ZMIZ1: variants seen among roughly 807,000 people sequenced by gnomAD.
The protein encoded by ZMIZ1 is zinc finger MIZ-type containing 1.
Under a neutral mutation model 113.9 loss-of-function variants are expected in ZMIZ1, and 17 were observed. The ratio of observed to expected loss-of-function variants is 0.15; its 90% CI spans 0.10 to 0.22. The LOEUF is 0.22. Among genes scored for constraint, ZMIZ1 ranks in the 10% least tolerant of loss-of-function variants. The probability of loss-of-function intolerance (pLI) is 1.00; values close to 1 mark genes in which losing one functional copy is unlikely to be tolerated. For synonymous variants in ZMIZ1, 607 were observed against 603.1 expected (o/e 1.01, Z -0.09); for missense variants, 1,059 against 1,477.8 (o/e 0.72, Z 4.65).
rs941490790 is a variant in ZMIZ1, at chr10:79,272,147, G to A, written c.281-5034G>A. ...TACACACACACAAAATTAGCCAGGCGTGATGGTGCACAACTGTAGTCCCAG... is the reference window on the plus strand; with the variant it reads ...TACACACACACAAAATTAGCCAGGCATGATGGTGCACAACTGTAGTCCCAG... On this transcript the variant is annotated intron_variant, in intron 7 of 24. Transcript: ENST00000334512. 9.2e-5 allele frequency among the ~76,000 whole-genome samples: 14 copies of A among 152,186 alleles called. No homozygotes were observed. The East Asian group carries it at 1.9e-3, about 21-fold the overall frequency.
At chr10:79,125,704 C>T (rs527626744) in intron 2 of ZMIZ1, among the ~76,000 whole-genome samples, 10 of 152,306 alleles carry the variant, frequency 6.6e-5, no homozygotes, top group South Asian at 2.1e-4. Context: ...GGGCCACAAG[C>T]GTGACATCTT....
intron 9 of ZMIZ1, among the ~76,000 whole-genome samples, chr10:79,290,513 G>A (rs1853413443): frequency 6.6e-6 from 1 of 152,198 alleles, no homozygotes; most frequent in Non-Finnish European, 1.5e-5. Flanking sequence ...AGCAGGGTGG[G>A]TTCCTCTTGG....
intron 9 of ZMIZ1, 123 bp from the exon 10 acceptor site, chr10:79,290,836 T>C (rs1853441244): frequency 3.6e-6 from 4 of 1,125,604 alleles, no homozygotes; most frequent in Non-Finnish European, 4.0e-6. Flanking sequence ...TCCATTTTTT[T>C]CCTCCTCCCT....
chr10:79,196,426 C>T (rs4979853), intron 4 of ZMIZ1, among the ~76,000 whole-genome samples: 10,631 of 152,204 alleles, frequency 0.07, 473 homozygotes, highest in Middle Eastern at 0.16. Context: ...CACTGATGGG[C>T]CCCAGGCTCC....
At chr10:79,190,617 G>GAGTAC in intron 4 of ZMIZ1, among the ~76,000 whole-genome samples, 1 of 152,052 alleles carries the variant, frequency 6.6e-6, no homozygotes, top group African/African-American at 2.4e-5. Flanking sequence ...CTAACTAAAG[G>GAGTAC]AGTACACTCA....
chr10:79,263,133 G>A (rs1051907076), intron 7 of ZMIZ1, among the ~76,000 whole-genome samples: 4 of 152,364 alleles, frequency 2.6e-5, no homozygotes, highest in East Asian at 1.9e-4. Flanking sequence ...ATGCGCCAGC[G>A]CAGTGGCGCA....
chr10:79,265,815 C>T (rs1851567498), intron 7 of ZMIZ1, among the ~76,000 whole-genome samples: 1 of 152,188 alleles, frequency 6.6e-6, no homozygotes, highest in African/African-American at 2.4e-5. Context: ...TCTCCTAGGA[C>T]CCTGTCACCC....
intron 7 of ZMIZ1, among the ~76,000 whole-genome samples, chr10:79,236,631 G>A (rs899110137): frequency 6.6e-6 from 1 of 152,186 alleles, no homozygotes; most frequent in African/African-American, 2.4e-5. Context: ...CTTCCTGTCT[G>A]AACAGGCTGC....
intron 1 of ZMIZ1, among the ~76,000 whole-genome samples, chr10:79,113,100 T>C (rs570081348): frequency 9.8e-5 from 15 of 152,308 alleles, no homozygotes; most frequent in African/African-American, 3.4e-4. Flanking sequence ...AGCCTCTTTG[T>C]TCCCCGCAGC....
chr10:79,263,472 T>A (rs1248388616), intron 7 of ZMIZ1, among the ~76,000 whole-genome samples: 2 of 152,170 alleles, frequency 1.3e-5, no homozygotes, highest in Non-Finnish European at 2.9e-5. Flanking sequence ...CTCCTGCCCC[T>A]TGTTACCACG....
chr10:79,178,025 C>A (rs1461288583), intron 4 of ZMIZ1, among the ~76,000 whole-genome samples: 4 of 152,072 alleles, frequency 2.6e-5, no homozygotes, highest in African/African-American at 9.7e-5. Flanking sequence ...TTAGGAGGGG[C>A]CAGGGCAGTA....
At chr10:79,293,339 T>C in intron 11 of ZMIZ1, 42 bp from the exon 12 acceptor site, 1 of 1,503,730 alleles carries the variant, frequency 6.7e-7, no homozygotes. Flanking sequence ...ATTTTATTCT[T>C]TTTTTTTTCT....
intron 7 of ZMIZ1, among the ~76,000 whole-genome samples, chr10:79,240,507 C>A (rs1287339892): frequency 1.3e-5 from 2 of 152,130 alleles, no homozygotes; most frequent in African/African-American, 2.4e-5. Context: ...ACCAAGTGGG[C>A]CAGAGAGAGC....
chr10:79,193,089 C>T (rs1847677118), intron 4 of ZMIZ1, among the ~76,000 whole-genome samples: 1 of 152,210 alleles, frequency 6.6e-6, no homozygotes, highest in African/African-American at 2.4e-5. Context: ...AATGCGCGAG[C>T]CACCTGCGAC....
chr10:79,104,924 CTGT>C (rs1442567076), intron 1 of ZMIZ1, among the ~76,000 whole-genome samples: 2 of 148,982 alleles, frequency 1.3e-5, no homozygotes, highest in Non-Finnish European at 3.0e-5. Flanking sequence ...GATGTGGTTG[CTGT>C]TGTTGTTGGG....
At chr10:79,194,969 C>T (rs1487584797) in intron 4 of ZMIZ1, among the ~76,000 whole-genome samples, 1 of 152,190 alleles carries the variant, frequency 6.6e-6, no homozygotes, top group African/African-American at 2.4e-5. Context: ...TCCATTTGCC[C>T]AACTAAGCCC....
At position 79,221,873 on chromosome 10, in the gene ZMIZ1, T is replaced by G. The variant is rs1444205283; in HGVS notation, c.280+5599T>G. ...GAGTCCAGAAGAGAGCCCGAATGCC[T>G]GCTGCCTTCTCGCGCCCTTCCTGTC... is the stretch of plus-strand genomic sequence containing the variant. On this transcript the variant is annotated intron_variant, in intron 7 of 24. Transcript: ENST00000334512. Among the ~76,000 whole-genome samples the G allele has an allele frequency of 2.6e-5, 4 of 152,380 alleles. No individual in the cohort carries two copies. In the East Asian group the frequency reaches 7.7e-4, roughly 29 times the overall value.
intron 3 of ZMIZ1, 48 bp downstream of exon 3, chr10:79,139,825 G>T (rs1431665427): frequency 2.5e-6 from 1 of 398,562 alleles, no homozygotes; most frequent in Non-Finnish European, 4.4e-6. Flanking sequence ...CTTTGCCTAA[G>T]CCTGGGCAGG....
intron 1 of ZMIZ1, among the ~76,000 whole-genome samples, chr10:79,093,337 ATTTATTTT>A (rs1382831196): frequency 5.4e-5 from 6 of 110,800 alleles, no homozygotes; most frequent in Admixed American, 8.8e-5. Flanking sequence ...TTATTTATTT[ATTTATTTT>A]GAGACAGAGT....
Sources: gnomAD v4.1 joint callset for allele counts (sites outside exome capture counted in the v4.1 genomes callset) on GRCh38, gnomAD v4.1.1 for gene constraint, MANE v1.5 for transcripts, NCBI Gene and HGNC (gene_info 2026-07-23, HGNC 2026-07-21) for gene names.